The following SHB variants were observed in gnomAD, a reference collection of about 807,000 sequenced individuals.
SHB encodes the protein SH2 domain-containing adapter protein B.
A neutral mutation model predicts 52.3 loss-of-function variants in SHB; 20 were observed. The observed-to-expected ratio is 0.38, with a 90% confidence interval of 0.27 to 0.56. SHB has a LOEUF of 0.56. Among genes scored for constraint, SHB ranks in the 20% least tolerant of loss-of-function variants. The probability of loss-of-function intolerance (pLI) is 0.71; values close to 1 mark genes in which losing one functional copy is unlikely to be tolerated. For missense variants in SHB, 825 were observed against 723.3 expected (o/e 1.14, Z -1.61); for synonymous variants, 397 against 316.5 (o/e 1.25, Z -2.70).
chr9:38,024,356 AT>A (rs1821315711), intron 1 of SHB, among the ~76,000 whole-genome samples: 1 of 152,222 alleles, frequency 6.6e-6, no homozygotes, highest in African/African-American at 2.4e-5. Context: ...CCTGCCCCAC[AT>A]GTCAGGAGGC....
chr9:38,038,645 C>T (rs1359897556), intron 1 of SHB, among the ~76,000 whole-genome samples: 3 of 152,214 alleles, frequency 2.0e-5, no homozygotes, highest in African/African-American at 4.8e-5. Context: ...GCCTGACTCC[C>T]AGACTCCTTC....
intron 5 of SHB, among the ~76,000 whole-genome samples, chr9:37,934,184 C>A (rs1832343614): frequency 6.6e-6 from 1 of 152,216 alleles, no homozygotes; most frequent in Non-Finnish European, 1.5e-5. Context: ...TGAGTCCCCC[C>A]CTCTCCCAGC....
At chr9:37,942,926 G>A (rs1234885340) in intron 5 of SHB, among the ~76,000 whole-genome samples, 2 of 152,094 alleles carry the variant, frequency 1.3e-5, no homozygotes, top group East Asian at 3.9e-4. Flanking sequence ...GGGGGACAGG[G>A]AGGCAGAAGC....
intron 2 of SHB, among the ~76,000 whole-genome samples, chr9:37,977,646 A>G (rs1820671705): frequency 6.6e-6 from 1 of 152,206 alleles, no homozygotes; most frequent in Admixed American, 6.5e-5. Flanking sequence ...AGTACGGTGG[A>G]CAACTTCGTA....
At chr9:37,947,604 T>C (rs7044501) in intron 5 of SHB, among the ~76,000 whole-genome samples, 86,764 of 152,074 alleles carry the variant, frequency 0.57, 24,925 homozygotes, top group East Asian at 0.91. Context: ...TGTCACTGTC[T>C]CTCTCAGGGC....
intron 1 of SHB, among the ~76,000 whole-genome samples, chr9:38,024,934 G>A (rs1015794128): frequency 2.6e-5 from 4 of 152,190 alleles, no homozygotes; most frequent in Admixed American, 2.0e-4. Flanking sequence ...CACCACTGAA[G>A]AAAGTGACAC....
At chr9:37,990,013 C>A (rs1658215586) in intron 2 of SHB, among the ~76,000 whole-genome samples, 1 of 152,132 alleles carries the variant, frequency 6.6e-6, no homozygotes, top group Non-Finnish European at 1.5e-5. Context: ...ACGAGAATAG[C>A]CCCTGCTCAG....
At chr9:37,934,525 T>C (rs2118480649) in intron 5 of SHB, among the ~76,000 whole-genome samples, 1 of 152,248 alleles carries the variant, frequency 6.6e-6, no homozygotes, top group African/African-American at 2.4e-5. Flanking sequence ...GGTATTGAAC[T>C]CCTAGGCTCA....
intron 4 of SHB, among the ~76,000 whole-genome samples, chr9:37,953,655 C>A (rs1832593340): frequency 6.6e-6 from 1 of 152,132 alleles, no homozygotes; most frequent in Admixed American, 6.5e-5. Flanking sequence ...ACCTGGGGCA[C>A]ACCCCAGTGC....
At chr9:37,980,275 A>T (rs1820709031) in intron 2 of SHB, among the ~76,000 whole-genome samples, 1 of 152,216 alleles carries the variant, frequency 6.6e-6, no homozygotes, top group African/African-American at 2.4e-5. Context: ...CTGCTTCATC[A>T]ACTAAGTTTA....
intron 3 of SHB, among the ~76,000 whole-genome samples, chr9:37,969,269 A>G (rs1228067069): frequency 6.6e-6 from 1 of 152,168 alleles, no homozygotes; most frequent in Non-Finnish European, 1.5e-5. Context: ...GTTGGAGCTG[A>G]CAGGTTCAAA....
chr9:38,049,799 C>T (rs1000432129), intron 1 of SHB, among the ~76,000 whole-genome samples: 15 of 137,814 alleles, frequency 1.1e-4, no homozygotes, highest in Admixed American at 9.5e-4. Context: ...ACCATGGGTA[C>T]TTTTTTTTTT....
At chr9:37,980,853 G>C (rs1393431194) in intron 2 of SHB, among the ~76,000 whole-genome samples, 1 of 152,184 alleles carries the variant, frequency 6.6e-6, no homozygotes, top group Non-Finnish European at 1.5e-5. Flanking sequence ...GGGTGACCAA[G>C]AACAGTGTCA....
intron 2 of SHB, among the ~76,000 whole-genome samples, chr9:38,006,066 G>A (rs765396618): frequency 7.9e-5 from 12 of 152,152 alleles, no homozygotes; most frequent in East Asian, 1.9e-4. Flanking sequence ...TCCCTACTCA[G>A]ATAGGACAGG....
intron 4 of SHB, among the ~76,000 whole-genome samples, chr9:37,949,392 CAAAAAAAAAAA>C (rs771495216): frequency 2.0e-5 from 1 of 50,298 alleles, no homozygotes; most frequent in African/African-American, 7.0e-5. Flanking sequence ...GACTCCATCT[CAAAAAAAAAAA>C]AAAAAAAGAA....
At chr9:37,954,477 TGGA>T (rs1314172902) in intron 4 of SHB, among the ~76,000 whole-genome samples, 1 of 136,158 alleles carries the variant, frequency 7.3e-6, no homozygotes, top group African/African-American at 2.8e-5. Flanking sequence ...AAAGAGTAAG[TGGA>T]GGAGAGGGGA....
intron 2 of SHB, among the ~76,000 whole-genome samples, chr9:38,000,190 C>T (rs1285887667): frequency 6.6e-6 from 1 of 152,230 alleles, no homozygotes; most frequent in Non-Finnish European, 1.5e-5. Context: ...AGAATTGCTG[C>T]TGCTGGCAGA....
rs35453970 is a variant in SHB, at chr9:37,918,487, CTG to C, written c.*1332_*1333del. ...TGGAAGCAGTGTGGACCACTGAGGGCTGTGTGTGTGTGTGTGTGTGTGTGTGT... is the reference window on the plus strand; with the variant it reads ...TGGAAGCAGTGTGGACCACTGAGGGCTGTGTGTGTGTGTGTGTGTGTGTGT... On this transcript the variant is annotated 3_prime_UTR_variant, in exon 6 of 6. Coordinates refer to ENST00000377707, the MANE Select transcript of SHB (RefSeq NM_003028.3). Among the ~76,000 whole-genome samples the C allele has an allele frequency of 0.014, 618 of 44,964 alleles. 18 individuals carry two copies. The highest frequency in any genetic ancestry group is 0.057 in the South Asian group (61 of 1,068). The allele number at this position is 44,964 out of a possible 152,430, so 29.5% of individuals were successfully genotyped here.
intron 1 of SHB, among the ~76,000 whole-genome samples, chr9:38,026,900 G>C (rs1422281469): frequency 6.6e-6 from 1 of 152,216 alleles, no homozygotes; most frequent in Admixed American, 6.5e-5. Flanking sequence ...TGGGGATACA[G>C]AGGAGAGGAA....
Sources: allele counts gnomAD v4.1 joint callset (sites outside exome capture counted in the v4.1 genomes callset), GRCh38; gene constraint gnomAD v4.1.1; transcripts MANE v1.5; gene names NCBI Gene and HGNC (gene_info 2026-07-23, HGNC 2026-07-21).